Variants in RRP12 observed in about 807,000 individuals in gnomAD.
The protein encoded by RRP12 is ribosomal RNA processing 12 homolog.
In RRP12, 78 loss-of-function variants were observed where a neutral mutation model predicts 157.3. The ratio of observed to expected loss-of-function variants is 0.50; its 90% CI spans 0.41 to 0.60. The LOEUF is 0.60. Ranked by LOEUF, RRP12 falls within the 20% of genes least tolerant of loss-of-function variation. The pLI is 0.00. For missense variants in RRP12, 1,521 were observed against 1,679.9 expected, an observed-to-expected ratio of 0.91 and a Z score of 1.65; for synonymous variants, 726 against 670.9, an observed-to-expected ratio of 1.08 and a Z score of -1.27.
At chr10:97,371,807 G>A (rs1844162822) in intron 20 of RRP12, 8 of 388,908 alleles carry the variant, frequency 2.1e-5, no homozygotes, top group East Asian at 1.2e-4. Flanking sequence ...CCTGGGGAGT[G>A]AGCCAGGCAA....
intron 2 of RRP12, among the ~76,000 whole-genome samples, chr10:97,397,979 G>GT (rs1312088604): frequency 3.3e-5 from 4 of 120,680 alleles, no homozygotes; most frequent in African/African-American, 6.1e-5. Flanking sequence ...ACAAAATTGG[G>GT]TAAAAAAAAA....
rs1843730946 is a variant in RRP12, at chr10:97,357,157, C to T, written c.3831G>A (p.Val1277=). The T allele has an allele frequency of 1.2e-6, 2 of 1,613,424 alleles. No individual in the cohort carries two copies. The highest frequency in any genetic ancestry group is 1.7e-6 in the Non-Finnish European group (2 of 1,179,560). ...MKLQGQFKGL[V]KAARRGSQVG... ...CCTGGGAACCTCGCCGGGCAGCCTT[C>T]ACCAGGCCTTTGAACTGTCCCTGCA... Residue 1277 remains valine, a synonymous_variant, in exon 34 of 34, where the codon GTG becomes GTA. Coordinates refer to ENST00000370992, the MANE Select transcript of RRP12 (RefSeq NM_015179.4).
chr10:97,388,393 G>A lies in RRP12; in HGVS notation c.890-14C>T, dbSNP rs1270578848. 6.2e-7 allele frequency: 1 copy of A among 1,613,316 alleles called. No homozygotes were observed. Among genetic ancestry groups the A allele is most frequent in the Non-Finnish European group, 8.5e-7 (1 of 1,179,630 alleles). On this transcript the variant is annotated splice_polypyrimidine_tract_variant and intron_variant, in intron 7 of 33. Transcript: ENST00000370992. The stretch of plus-strand genomic sequence containing the variant: ...CCTCCTTGGAGCCTGGTATACAGAA[G>A]AGGAATTGAGACACCAGCCCCGCCC...
At chr10:97,359,115 G>A in intron 31 of RRP12, 105 bp from the exon 32 acceptor site, 1 of 775,386 alleles carries the variant, frequency 1.3e-6, no homozygotes, top group South Asian at 1.6e-5. Flanking sequence ...GCAGATGAGT[G>A]AAGGCCAGGA....
At chr10:97,366,285 C>A in intron 28 of RRP12, 52 bp from the exon 29 acceptor site, 1 of 1,597,934 alleles carries the variant, frequency 6.3e-7, no homozygotes, top group South Asian at 1.1e-5. Flanking sequence ...CCATGCTACT[C>A]ACCCTCATCA....
chr10:97,380,505 AT>A (rs747688947), intron 13 of RRP12, among the ~76,000 whole-genome samples: 2 of 152,206 alleles, frequency 1.3e-5, no homozygotes, highest in Non-Finnish European at 2.9e-5. Context: ...GATAATTAAA[AT>A]TTAAAAGATA....
intron 4 of RRP12, among the ~76,000 whole-genome samples, chr10:97,393,019 C>T (rs1378714588): frequency 1.3e-5 from 2 of 151,932 alleles, no homozygotes; most frequent in East Asian, 3.9e-4. Context: ...AGGCGTGAGC[C>T]ACAGCATGTA....
rs139034531 is a variant in RRP12 at position 97,393,327 on chromosome 10, T to C, written c.530+357A>G. 1,623 of 450,556 alleles carry C rather than the reference T, an allele frequency of 3.6e-3. 9 individuals carry two copies. Among genetic ancestry groups the C allele is most frequent in the Middle Eastern group, 0.013 (17 of 1,266 alleles). The allele number at this position is 450,556 out of a possible 1,614,324, so 27.9% of individuals were successfully genotyped here. ...AACCAGGGAAGCACTGCAGGCCCTA[T>C]AGACATGCCTTTTGTTTTGGACTAT... On this transcript the variant is annotated intron_variant, in intron 4 of 33. Transcript: ENST00000370992.
chr10:97,379,433 G>A lies in RRP12; in HGVS notation c.1677-19C>T. On this transcript the variant is annotated intron_variant, in intron 14 of 33. Transcript: ENST00000370992. ...AGTCTCCCTGGGAAGAGAATGGGAA[G>A]AACCCAATGAGGATGAGGGGACAGC... is the stretch of plus-strand genomic sequence containing the variant. 1 of 1,613,548 alleles carries A rather than the reference G, an allele frequency of 6.2e-7. No individual in the cohort carries two copies. Among genetic ancestry groups the A allele is most frequent in the Non-Finnish European group, 8.5e-7 (1 of 1,179,960 alleles).
intron 2 of RRP12, 55 bp downstream of exon 2, chr10:97,400,250 G>T: frequency 7.6e-7 from 1 of 1,316,920 alleles, no homozygotes; most frequent in Non-Finnish European, 1.1e-6. Flanking sequence ...CTGAAGAAAA[G>T]GCATGAGTTG....
At chr10:97,375,460 G>C (rs1015876962) in intron 15 of RRP12, among the ~76,000 whole-genome samples, 3 of 152,016 alleles carry the variant, frequency 2.0e-5, no homozygotes, top group Admixed American at 2.0e-4. Flanking sequence ...AAAGATACTA[G>C]ATGTGTTACA....
At chr10:97,362,896 A>G (rs185998063) in intron 30 of RRP12, among the ~76,000 whole-genome samples, 1 of 152,324 alleles carries the variant, frequency 6.6e-6, no homozygotes, top group East Asian at 1.9e-4. Context: ...CATGACGCCA[A>G]TGAAAACGGG....
chr10:97,385,747 C>T (rs1408878080), intron 9 of RRP12, 148 bp downstream of exon 9: 3 of 618,790 alleles, frequency 4.8e-6, no homozygotes, highest in Non-Finnish European at 8.7e-6. Flanking sequence ...TCCAATCTTC[C>T]TTCCCCTTCT....
rs554207087 is a variant in RRP12, at chr10:97,384,020, G to A, written c.1208+1146C>T. Among the ~76,000 whole-genome samples, 35 of 152,302 alleles carry A rather than the reference G, an allele frequency of 2.3e-4. No homozygotes were observed. In the Middle Eastern group the frequency reaches 0.014, roughly 60 times the overall value. The stretch of plus-strand genomic sequence containing the variant: ...GTAGCTCACTTGACATGGAGATGCC[G>A]TCAGGCCCCAGGAGGCTGAACAGCC... On this transcript the variant is annotated intron_variant, in intron 10 of 33. Transcript: ENST00000370992.
chr10:97,379,795 C>T lies in RRP12; in HGVS notation c.1534-25G>A, dbSNP rs775043915. ...ACTGCAGCAGAGATGAGTGACCACA[C>T]ATCAAGACATGCTCGAAAGCAGGGA... On this transcript the variant is annotated intron_variant, in intron 13 of 33. Transcript: ENST00000370992. 1.8e-5 allele frequency: 29 copies of T among 1,574,962 alleles called. 1 individual carries two copies. The South Asian group carries it at 3.2e-4, about 18-fold the overall frequency.
In RRP12 at chr10:97,366,426, C is replaced by G. The variant is rs377482080; in HGVS notation, c.3391+20G>C. The G allele has an allele frequency of 1.9e-6, 3 of 1,586,934 alleles. No individual in the cohort carries two copies. The highest frequency in any genetic ancestry group is 2.7e-5 in the African/African-American group (2 of 73,900). On this transcript the variant is annotated intron_variant, in intron 28 of 33. Transcript: ENST00000370992. Reference sequence around the variant, plus strand: ...ATGGCAAGTCTGTTTTCTGAGTGCACTGGCCAGCCCTGTGCTTACCCAGGA... The same window carrying G: ...ATGGCAAGTCTGTTTTCTGAGTGCAGTGGCCAGCCCTGTGCTTACCCAGGA...
intron 2 of RRP12, among the ~76,000 whole-genome samples, chr10:97,398,037 G>C (rs12262070): frequency 2.7e-5 from 1 of 36,576 alleles, no homozygotes; most frequent in Non-Finnish European, 5.0e-5. Flanking sequence ...ATATATATAC[G>C]TATTTTTTTT....
chr10:97,370,582 G>A, intron 22 of RRP12, 22 bp from the exon 23 acceptor site: 1 of 1,600,838 alleles, frequency 6.2e-7, no homozygotes. Flanking sequence ...AACTCCATCA[G>A]CATCTGCTCC....
intron 10 of RRP12, among the ~76,000 whole-genome samples, chr10:97,382,538 A>AT (rs954278591): frequency 4.6e-5 from 7 of 152,142 alleles, no homozygotes; most frequent in African/African-American, 1.7e-4. Context: ...AAATCCTATT[A>AT]TTTTTCCATT....
Sources: allele counts gnomAD v4.1 joint callset (sites outside exome capture counted in the v4.1 genomes callset), GRCh38; gene constraint gnomAD v4.1.1; transcripts MANE v1.5; gene names NCBI Gene and HGNC (gene_info 2026-07-23, HGNC 2026-07-21).